IL1R2: variants seen among roughly 807,000 people sequenced by gnomAD.
IL1R2 encodes the protein interleukin 1 receptor type 2.
In IL1R2, 46 loss-of-function variants were observed where a neutral mutation model predicts 39.5. The observed-to-expected ratio is 1.16, with a 90% CI of 0.92 to 1.49. The LOEUF (loss-of-function observed/expected upper bound fraction) is 1.49. Among genes scored for constraint, IL1R2 ranks in the 40% most tolerant of loss-of-function variants. The probability of loss-of-function intolerance (pLI) is 0.00; values close to 1 mark genes in which losing one functional copy is unlikely to be tolerated. For synonymous variants in IL1R2, 207 were observed against 189.6 expected (o/e 1.09, Z -0.75); for missense variants, 537 against 502.0 (o/e 1.07, Z -0.67).
In IL1R2 at chr2:102,003,238, G is replaced by A. The variant is rs139673002; in HGVS notation, c.-61-5277G>A. 7.1e-3 allele frequency among the ~76,000 whole-genome samples: 1,070 copies of A among 150,552 alleles called. 9 individuals carry two copies. The highest frequency in any genetic ancestry group is 0.025 in the African/African-American group (1,034 of 40,934). Reference sequence around the variant, plus strand: ...TCTGTGTCTGTGTCTGGCTGTGGCTGTGTCTGTGTCTGTGTCGGTGTCTGT... The same window carrying A: ...TCTGTGTCTGTGTCTGGCTGTGGCTATGTCTGTGTCTGTGTCGGTGTCTGT... On this transcript the variant is annotated intron_variant, in intron 1 of 8. Coordinates refer to ENST00000332549, the MANE Select transcript of IL1R2 (RefSeq NM_004633.4).
chr2:102,007,822 C>T (rs1408860765), intron 1 of IL1R2, among the ~76,000 whole-genome samples: 1 of 152,232 alleles, frequency 6.6e-6, no homozygotes, highest in Non-Finnish European at 1.5e-5. Context: ...AGTAAATCTG[C>T]TCTTCACATA....
chr2:102,026,195 T>A lies in IL1R2; in HGVS notation c.972T>A (p.Phe324Leu). The change falls in exon 8 of 9, where the codon TTT becomes TTA. Residue 324 changes from phenylalanine (F) to leucine (L), a missense_variant. Phe to Leu is a conservative substitution (Grantham distance 22). Coordinates refer to ENST00000332549, the MANE Select transcript of IL1R2 (RefSeq NM_004633.4). ...PVTREDLHMD[F>L]KCVVHNTLSF... ...CAAGAGAGGATTTGCACATGGATTT[T>A]AAATGTGTTGTCCATAATACCCTGA... is the stretch of plus-strand genomic sequence containing the variant. The A allele has an allele frequency of 6.2e-7, 1 of 1,613,310 alleles. No homozygotes were observed. Among genetic ancestry groups the A allele is most frequent in the Non-Finnish European group, 8.5e-7 (1 of 1,179,272 alleles).
intron 4 of IL1R2, among the ~76,000 whole-genome samples, chr2:102,018,975 C>T (rs1209017722): frequency 2.0e-5 from 3 of 152,124 alleles, no homozygotes; most frequent in Non-Finnish European, 4.4e-5. Context: ...CTGTTGCAAA[C>T]GTTGAATAAT....
intron 1 of IL1R2, among the ~76,000 whole-genome samples, chr2:102,000,338 C>T (rs934629598): frequency 9.2e-5 from 14 of 152,184 alleles, no homozygotes; most frequent in African/African-American, 3.1e-4. Flanking sequence ...TGTAACCTGC[C>T]CACCACCCTG....
rs554103916 is a variant in IL1R2, at chr2:102,000,162, C to T, written c.-62+8151C>T. Among the ~76,000 whole-genome samples, 8 of 152,322 alleles carry T rather than the reference C, an allele frequency of 5.3e-5. No homozygotes were observed. In the East Asian group the frequency reaches 1.5e-3, roughly 29 times the overall value. On this transcript the variant is annotated intron_variant, in intron 1 of 8. Transcript: ENST00000332549. ...GCAAGCTCCTTATCTCCCTGAGTAC[C>T]GGGCTCTGCTTCTGTAAAACACTGA...
chr2:101,996,388 A>G (rs2871444), intron 1 of IL1R2, among the ~76,000 whole-genome samples: 59,638 of 151,618 alleles, frequency 0.39, 14,628 homozygotes, highest in African/African-American at 0.68. Flanking sequence ...AACCCAGCAA[A>G]TCTGGGCTAT....
intron 4 of IL1R2, among the ~76,000 whole-genome samples, chr2:102,018,132 C>G (rs1022766342): frequency 1.3e-5 from 2 of 152,168 alleles, no homozygotes; most frequent in African/African-American, 4.8e-5. Flanking sequence ...GATAGGGTCT[C>G]ACCATGTTGG....
intron 2 of IL1R2, 121 bp from the exon 3 acceptor site, chr2:102,009,440 TC>T: frequency 4.6e-6 from 5 of 1,092,554 alleles, no homozygotes; most frequent in Non-Finnish European, 6.6e-6. Context: ...ACAAATGACA[TC>T]TTTCTCAAAT....
chr2:102,007,987 A>G (rs1676369797), intron 1 of IL1R2, among the ~76,000 whole-genome samples: 1 of 152,210 alleles, frequency 6.6e-6, no homozygotes, highest in Non-Finnish European at 1.5e-5. Flanking sequence ...GGGGGTCCCA[A>G]GTTTTTATTT....
chr2:102,015,577 C>T (rs1258857617), intron 3 of IL1R2, among the ~76,000 whole-genome samples: 3 of 152,194 alleles, frequency 2.0e-5, no homozygotes, highest in Non-Finnish European at 4.4e-5. Flanking sequence ...CATTAGCCTA[C>T]AGCTGGGCAA....
In IL1R2 at chr2:102,024,603, G is replaced by A. The variant is rs1366432921; in HGVS notation, c.822G>A (p.Trp274Ter). 12 of 1,613,976 alleles carry A rather than the reference G, an allele frequency of 7.4e-6. No individual in the cohort carries two copies. Among genetic ancestry groups the A allele is most frequent in the Non-Finnish European group, 1.0e-5 (12 of 1,180,022 alleles). The stretch of plus-strand genomic sequence containing the variant: ...CACCCTTAACCACCATGCTGTGGTG[G>A]ACGGCCAATGACACCCACATAGAGA... ...TGTPLTTMLW[W>*]TANDTHIESA... The change falls in exon 7 of 9, where the codon TGG becomes TGA. Residue 274 changes from tryptophan to a stop codon, truncating the protein, a stop_gained. Transcript: ENST00000332549. LOFTEE classifies it high-confidence loss of function.
chr2:102,028,183 G>A, intron 8 of IL1R2, 43 bp from the exon 9 acceptor site: 1 of 1,538,992 alleles, frequency 6.5e-7, no homozygotes, highest in Non-Finnish European at 8.8e-7. Flanking sequence ...CTTGTACAGT[G>A]AGAGACTGTT....
intron 1 of IL1R2, among the ~76,000 whole-genome samples, chr2:101,993,269 G>A (rs1308136839): frequency 6.6e-6 from 1 of 152,204 alleles, no homozygotes; most frequent in Non-Finnish European, 1.5e-5. Context: ...ACTGGCCTGG[G>A]TTCTGAGTCC....
At chr2:102,002,142 T>A (rs1473359294) in intron 1 of IL1R2, 1 of 152,278 alleles carries the variant, frequency 6.6e-6, no homozygotes. Flanking sequence ...AATTCCTTTC[T>A]GGAGCTATCG....
rs536465301 is a variant in IL1R2, at chr2:101,999,902, TA to T, written c.-62+7892del. Among the ~76,000 whole-genome samples, 114 of 152,362 alleles carry T rather than the reference TA, an allele frequency of 7.5e-4. No homozygotes were observed. The South Asian group carries it at 0.022, about 30-fold the overall frequency. Reference sequence around the variant, plus strand: ...TATATTGTGTATTTTATAAAGTAAATATTTATAGAACACTTATATGTTCTAT... The same window carrying T: ...TATATTGTGTATTTTATAAAGTAAATTTTATAGAACACTTATATGTTCTAT... On this transcript the variant is annotated intron_variant, in intron 1 of 8. Coordinates refer to ENST00000332549, the MANE Select transcript of IL1R2 (RefSeq NM_004633.4).
At chr2:101,998,810 G>C (rs1675709385) in intron 1 of IL1R2, among the ~76,000 whole-genome samples, 1 of 152,210 alleles carries the variant, frequency 6.6e-6, no homozygotes, top group Non-Finnish European at 1.5e-5. Context: ...GCAGAAGCAA[G>C]CACCCCTTGG....
At chr2:102,013,558 G>GAAAAAAA (rs1676788000) in intron 3 of IL1R2, among the ~76,000 whole-genome samples, 1 of 33,742 alleles carries the variant, frequency 3.0e-5, no homozygotes, top group African/African-American at 1.2e-4. Context: ...AAAAAGGAAA[G>GAAAAAAA]AAAGAAAAGA....
intron 6 of IL1R2, chr2:102,023,538 G>C (rs189637161): frequency 6.6e-6 from 1 of 152,154 alleles, no homozygotes; most frequent in Non-Finnish European, 1.5e-5. Context: ...GATGGAGAAC[G>C]GCTGGCATTC....
chr2:101,992,599 A>C (rs1345250658), intron 1 of IL1R2, among the ~76,000 whole-genome samples: 1 of 151,950 alleles, frequency 6.6e-6, no homozygotes, highest in East Asian at 1.9e-4. Context: ...AAACAGACAG[A>C]GATAGAGGGA....
Sources: allele counts gnomAD v4.1 joint callset (sites outside exome capture counted in the v4.1 genomes callset), GRCh38; gene constraint gnomAD v4.1.1; transcripts MANE v1.5; gene names NCBI Gene and HGNC (gene_info 2026-07-23, HGNC 2026-07-21).